BBS2: variants seen among roughly 807,000 people sequenced by gnomAD.
BBS2 encodes BBSome complex member BBS2.
A neutral mutation model predicts 83.0 loss-of-function variants in BBS2; 62 were observed. That is an observed-to-expected ratio of 0.75 (90% confidence interval 0.61 to 0.92). The LOEUF (loss-of-function observed/expected upper bound fraction) is 0.92. BBS2 is among the 40% of genes least tolerant of loss of function. BBS2 has a pLI of 0.00. For missense variants in BBS2, 784 were observed against 901.0 expected (o/e 0.87, Z 1.66); for synonymous variants, 303 against 326.1 (o/e 0.93, Z 0.76).
intron 15 of BBS2, among the ~76,000 whole-genome samples, chr16:56,486,743 ATAT>A (rs1169816028): frequency 6.7e-6 from 1 of 150,312 alleles, no homozygotes; most frequent in Non-Finnish European, 1.5e-5. Flanking sequence ...AGTGACAGAA[ATAT>A]TCTTTTTTTT....
chr16:56,511,748 C>T (rs77615204), intron 2 of BBS2, among the ~76,000 whole-genome samples: 2,420 of 152,242 alleles, frequency 0.016, 71 homozygotes, highest in African/African-American at 0.055. Context: ...AGAACCCTGA[C>T]TAATACAGTC....
rs1461027460 is a variant in BBS2 at position 56,502,957 on chromosome 16, A to C, written c.805-149T>G. The stretch of plus-strand genomic sequence containing the variant: ...CCCTACAACTTCTCAGGAGATACCT[A>C]TGACTGCTGGGGCCAAGAGGGACCC... On this transcript the variant is annotated intron_variant, in intron 7 of 16. Coordinates refer to ENST00000245157, the MANE Select transcript of BBS2 (RefSeq NM_031885.5). 6 of 967,592 alleles carry C rather than the reference A, an allele frequency of 6.2e-6. No individual in the cohort carries two copies. In the African/African-American group the frequency reaches 6.5e-5, roughly 11 times the overall value. 59.9% of individuals were successfully genotyped at this position (967,592 alleles called of 1,614,324 possible).
At chr16:56,517,698 C>T (rs1964790850) in intron 1 of BBS2, among the ~76,000 whole-genome samples, 1 of 152,208 alleles carries the variant, frequency 6.6e-6, no homozygotes, top group Non-Finnish European at 1.5e-5. Context: ...GACTGCCCAG[C>T]ACATAGTAAG....
rs1355157456 is a variant in BBS2, at chr16:56,498,498, A to T, written c.1598T>A (p.Val533Glu). Reference protein sequence around the residue: ...DTHIQNAPFQVCFTSLRNGGH... With the variant: ...DTHIQNAPFQECFTSLRNGGH... ...GCCATTCCGTAAAGATGTGAAACACACTTGAAATGGAGCATTCTGAATGTG... is the reference window on the plus strand; with the variant it reads ...GCCATTCCGTAAAGATGTGAAACACTCTTGAAATGGAGCATTCTGAATGTG... The change falls in exon 13 of 17, where the codon GTG (valine) becomes GAG (glutamate). Residue 533 changes from valine (V) to glutamate (E), a missense_variant. By Grantham distance (121) the Val-to-Glu change is moderately radical (BLOSUM62 -2). Transcript: ENST00000245157. 6 of 1,614,130 alleles carry T rather than the reference A, an allele frequency of 3.7e-6. No homozygotes were observed. In the East Asian group the frequency reaches 1.3e-4, roughly 36 times the overall value.
intron 5 of BBS2, 85 bp from the exon 6 acceptor site, chr16:56,506,309 C>T: frequency 1.0e-6 from 1 of 962,460 alleles, no homozygotes; most frequent in Non-Finnish European, 1.6e-6. Context: ...CTTCACACTC[C>T]TTGTTACAAC....
At chr16:56,476,685 ATACCTT>A (rs1453432401) in intron 17 of BBS2, 1 of 153,282 alleles carries the variant, frequency 6.5e-6, no homozygotes, top group Non-Finnish European at 1.5e-5. Flanking sequence ...AGCAACAGCC[ATACCTT>A]TTGTCTCTAT....
chr16:56,483,263 G>A (rs1963691033), downstream of BBS2, among the ~76,000 whole-genome samples: 1 of 152,116 alleles, frequency 6.6e-6, no homozygotes, highest in Non-Finnish European at 1.5e-5. Flanking sequence ...ATAATCTTAT[G>A]GTGACCTAAA....
downstream of BBS2, among the ~76,000 whole-genome samples, chr16:56,480,353 A>ACAAAAAT (rs1387438150): frequency 1.0e-5 from 1 of 98,752 alleles, no homozygotes; most frequent in African/African-American, 4.7e-5. Context: ...ACACACACAC[A>ACAAAAAT]AAAAAAAAAA....
In BBS2 at chr16:56,499,805, G is replaced by A. The variant is rs2144139077; in HGVS notation, c.1500C>T (p.Asn500=). 1 of 1,614,170 alleles carries A rather than the reference G, an allele frequency of 6.2e-7. No individual in the cohort carries two copies. The highest frequency in any genetic ancestry group is 8.5e-7 in the Non-Finnish European group (1 of 1,180,032). ...TCTGTGCCCGTTCTGCAATGGTAAA[G>A]TTAACATAACTGATTGGCTCACTGG... ...DPASEPISYV[N]FTIAERAQRV... is the part of the protein sequence containing the mutation. The change falls in exon 12 of 17, where the codon AAC becomes AAT. Residue 500 remains asparagine (N), a synonymous_variant. Coordinates refer to ENST00000245157, the MANE Select transcript of BBS2 (RefSeq NM_031885.5).
chr16:56,511,307 T>C (rs1964570569), intron 2 of BBS2, 23 bp from the exon 3 acceptor site: 1 of 1,613,180 alleles, frequency 6.2e-7, no homozygotes, highest in East Asian at 2.2e-5. Context: ...AAAGGACACA[T>C]TATCTTAGAC....
intron 7 of BBS2, among the ~76,000 whole-genome samples, chr16:56,503,789 C>T (rs1964347036): frequency 6.6e-6 from 1 of 151,900 alleles, no homozygotes. Flanking sequence ...TGTGGTGGTA[C>T]GCACCTGTAG....
At chr16:56,487,278 T>G (rs1005674789) in intron 15 of BBS2, among the ~76,000 whole-genome samples, 6 of 151,690 alleles carry the variant, frequency 4.0e-5, no homozygotes, top group African/African-American at 7.3e-5. Flanking sequence ...GATAGAGAGA[T>G]AGAGAAACTA....
chr16:56,518,690 TCA>T (rs1964821333), intron 1 of BBS2, among the ~76,000 whole-genome samples: 1 of 152,248 alleles, frequency 6.6e-6, no homozygotes. Context: ...ATTAGCGTTG[TCA>T]CTACATTCCA....
Position 56,484,725 on chromosome 16 carries a change from C to T in BBS2, c.*36G>A. On this transcript the variant is annotated 3_prime_UTR_variant, in exon 17 of 17. Transcript: ENST00000245157. ...CCAGCATAGGTTTTTAACAGAAAAT[C>T]TTTGCCAGGAACTTCATGACCTGTA... 1 of 1,582,724 alleles carries T rather than the reference C, an allele frequency of 6.3e-7. No individual in the cohort carries two copies. Among genetic ancestry groups the T allele is most frequent in the Non-Finnish European group, 8.7e-7 (1 of 1,152,202 alleles).
Position 56,519,968 on chromosome 16 carries a change from C to T in BBS2, c.-106G>A. On this transcript the variant is annotated 5_prime_UTR_variant, in exon 1 of 17. Coordinates refer to ENST00000245157, the MANE Select transcript of BBS2 (RefSeq NM_031885.5). ...TGCAGGGACACTACCTGCGCGGCCC[C>T]AGCCGCCTCAGGCCGGACGCGAAAC... The T allele has an allele frequency of 1.4e-5, 14 of 978,646 alleles. No homozygotes were observed. The highest frequency in any genetic ancestry group is 6.8e-5 in the South Asian group (5 of 73,280). 60.6% of individuals were successfully genotyped at this position (978,646 alleles called of 1,614,324 possible).
intron 5 of BBS2, among the ~76,000 whole-genome samples, chr16:56,508,819 T>A (rs1254514964): frequency 1.3e-5 from 2 of 151,956 alleles, no homozygotes; most frequent in South Asian, 4.1e-4. Flanking sequence ...GCTAATTTTT[T>A]AATATTTTTT....
chr16:56,470,589 A>G, exon 18 of BBS2: 4 of 1,614,224 alleles, frequency 2.5e-6, no homozygotes, highest in Non-Finnish European at 2.5e-6. Context: ...CCAACTTCAC[A>G]GGCCTGAAGC....
At chr16:56,475,556 A>G in intron 17 of BBS2, 3 of 1,613,946 alleles carry the variant, frequency 1.9e-6, no homozygotes, top group Non-Finnish European at 1.7e-6. Context: ...CCAAAGGTGA[A>G]GATGAAGAGG....
intron 2 of BBS2, among the ~76,000 whole-genome samples, chr16:56,513,116 C>T (rs1046511715): frequency 6.6e-6 from 1 of 152,164 alleles, no homozygotes; most frequent in East Asian, 1.9e-4. Flanking sequence ...CATGCCACTG[C>T]ACTCCAGCCT....
Sources: allele counts gnomAD v4.1 joint callset (sites outside exome capture counted in the v4.1 genomes callset), GRCh38; gene constraint gnomAD v4.1.1; transcripts MANE v1.5; gene names NCBI Gene and HGNC (gene_info 2026-07-23, HGNC 2026-07-21).